KCNK10: variants seen among roughly 807,000 people sequenced by gnomAD.
The protein encoded by KCNK10 is potassium channel subfamily K member 10.
KCNK10 carries 25 observed loss-of-function variants against 47.7 expected under a neutral mutation model. The observed-to-expected ratio is 0.52, with a 90% confidence interval of 0.38 to 0.73. KCNK10 has a LOEUF of 0.73. KCNK10 is among the 30% of genes least tolerant of loss of function. The pLI, the probability that KCNK10 is intolerant of heterozygous loss-of-function variation, is 0.00. For missense variants in KCNK10, 563 were observed against 714.5 expected (o/e 0.79, Z 2.42); for synonymous variants, 303 against 285.6 (o/e 1.06, Z -0.61).
intron 1 of KCNK10, among the ~76,000 whole-genome samples, chr14:88,287,346 T>G (rs1416884665): frequency 2.6e-5 from 4 of 152,202 alleles, no homozygotes; most frequent in African/African-American, 9.6e-5. Flanking sequence ...TGTAGGTTTT[T>G]GGGGAAGAGG....
Position 88,312,965 on chromosome 14 carries a change from G to A in KCNK10, c.52+9782C>T, listed in dbSNP as rs552427093. On this transcript the variant is annotated intron_variant, in intron 1 of 6. Coordinates refer to ENST00000319231, the MANE Select transcript of KCNK10 (RefSeq NM_138317.3). ...ATGGAGTTAAATGAATCATCATTCTGTGGTTAAGTAGAAAATGCAGGCTTA... is the reference window on the plus strand; with the variant it reads ...ATGGAGTTAAATGAATCATCATTCTATGGTTAAGTAGAAAATGCAGGCTTA... Among the ~76,000 whole-genome samples, 3 of 152,330 alleles carry A rather than the reference G, an allele frequency of 2.0e-5. No individual in the cohort carries two copies. The South Asian group carries it at 6.2e-4, about 32-fold the overall frequency.
At chr14:88,321,773 C>G (rs1888552166) in intron 1 of KCNK10, among the ~76,000 whole-genome samples, 2 of 152,202 alleles carry the variant, frequency 1.3e-5, no homozygotes, top group Non-Finnish European at 2.9e-5. Context: ...GAACATTAAA[C>G]ACACACGCAC....
chr14:88,281,493 C>T (rs1022994247), intron 1 of KCNK10, among the ~76,000 whole-genome samples: 2 of 152,078 alleles, frequency 1.3e-5, no homozygotes, highest in African/African-American at 4.8e-5. Context: ...AAATGGCTGA[C>T]CTTCCCCTGA....
At position 88,185,662 on chromosome 14, in the gene KCNK10, TC is replaced by T; in HGVS notation, c.1504del (p.Asp502ThrfsTer8). The T allele has an allele frequency of 6.2e-7, 1 of 1,614,222 alleles. No homozygotes were observed. The highest frequency in any genetic ancestry group is 8.5e-7 in the Non-Finnish European group (1 of 1,180,042). ...EEETEKMCNS[D>X]NSSTAMLTDC... ...CGTCAGCATGGCTGTGCTGGAGTTGTCTGAGTTACACATCTTTTCCGTCTCC... is the reference window on the plus strand; with the variant it reads ...CGTCAGCATGGCTGTGCTGGAGTTGTTGAGTTACACATCTTTTCCGTCTCC... On this transcript the variant is annotated frameshift_variant, in exon 7 of 7. Transcript: ENST00000319231. LOFTEE classifies it high-confidence loss of function. The surrounding 1 kb of genome is among the most constrained non-coding windows in gnomAD (Gnocchi z 4.3).
At chr14:88,244,610 G>C (rs1464786062) in intron 2 of KCNK10, among the ~76,000 whole-genome samples, 1 of 152,104 alleles carries the variant, frequency 6.6e-6, no homozygotes, top group Non-Finnish European at 1.5e-5. Flanking sequence ...GGAGCTTGCA[G>C]TGAGCCGAGA....
chr14:88,281,538 C>T (rs1887648896), intron 1 of KCNK10, among the ~76,000 whole-genome samples: 1 of 152,046 alleles, frequency 6.6e-6, no homozygotes, highest in African/African-American at 2.4e-5. Context: ...TGGACCTGAA[C>T]TGAAATATCG....
chr14:88,225,296 CAT>C (rs1885947150), intron 4 of KCNK10, among the ~76,000 whole-genome samples: 1 of 152,228 alleles, frequency 6.6e-6, no homozygotes, highest in Non-Finnish European at 1.5e-5. Flanking sequence ...TCAGCAAATG[CAT>C]TCATTGTGCA....
intron 1 of KCNK10, among the ~76,000 whole-genome samples, chr14:88,300,969 G>C (rs958272810): frequency 6.6e-6 from 1 of 152,072 alleles, no homozygotes; most frequent in Admixed American, 6.5e-5. Flanking sequence ...TTACAAATAC[G>C]GACTTTGGAT....
rs1884417485 is a variant in KCNK10 at position 88,182,896 on chromosome 14, T to C, written c.*2639A>G. 1 of 152,302 alleles carries C rather than the reference T, an allele frequency of 6.6e-6. No individual in the cohort carries two copies. Among genetic ancestry groups the C allele is most frequent in the South Asian group, 2.1e-4 (1 of 4,830 alleles). The allele number at this position is 152,302 out of a possible 1,614,324, so 9.4% of individuals were successfully genotyped here. On this transcript the variant is annotated 3_prime_UTR_variant, in exon 7 of 7. Transcript: ENST00000319231. ...TTTTTAAAGGGTGCCACATACAAAA[T>C]TTCCAAAACCAAATAAATGTACAGT... is the stretch of plus-strand genomic sequence containing the variant.
chr14:88,308,168 C>T (rs953835431), intron 1 of KCNK10, among the ~76,000 whole-genome samples: 1 of 152,108 alleles, frequency 6.6e-6, no homozygotes, highest in African/African-American at 2.4e-5. Context: ...TCAAGGTTCC[C>T]TCGATCACTA....
intron 3 of KCNK10, among the ~76,000 whole-genome samples, chr14:88,235,695 A>G (rs1167581902): frequency 6.6e-6 from 1 of 152,218 alleles, no homozygotes; most frequent in Non-Finnish European, 1.5e-5. Context: ...CTAGATTTTA[A>G]GAGTTAAAAA....
chr14:88,273,054 T>C (rs1726063593), intron 1 of KCNK10, among the ~76,000 whole-genome samples: 1 of 152,178 alleles, frequency 6.6e-6, no homozygotes, highest in Admixed American at 6.5e-5. Flanking sequence ...CTCAGGGGAA[T>C]AATCTAGCTG....
intron 4 of KCNK10, among the ~76,000 whole-genome samples, chr14:88,198,373 C>G (rs1257824192): frequency 6.6e-6 from 1 of 152,142 alleles, no homozygotes; most frequent in Non-Finnish European, 1.5e-5. Context: ...CCAAAAGATG[C>G]CCCTCCCAGC....
chr14:88,311,199 C>T (rs1352341969), intron 1 of KCNK10, among the ~76,000 whole-genome samples: 1 of 152,196 alleles, frequency 6.6e-6, no homozygotes, highest in Admixed American at 6.5e-5. Flanking sequence ...AGCACTATGC[C>T]TGTCACACAG....
intron 1 of KCNK10, among the ~76,000 whole-genome samples, chr14:88,272,375 C>T (rs947400601): frequency 5.9e-5 from 9 of 151,962 alleles, no homozygotes; most frequent in Admixed American, 2.0e-4. Flanking sequence ...GTCAGTGCCA[C>T]CGAAGAGGAG....
Position 88,247,243 on chromosome 14 carries a change from A to C in KCNK10, c.403-6423T>G, listed in dbSNP as rs1436507066. On this transcript the variant is annotated intron_variant, in intron 2 of 6. Coordinates refer to ENST00000319231, the MANE Select transcript of KCNK10 (RefSeq NM_138317.3). ...CACACCCAGCCTGGGACACCCAGCT[A>C]CCTGCAATAGGACGAAGGGAAGAGA... 2.0e-5 allele frequency among the ~76,000 whole-genome samples: 3 copies of C among 152,126 alleles called. No homozygotes were observed. The East Asian group carries it at 5.8e-4, about 29-fold the overall frequency.
intron 1 of KCNK10, among the ~76,000 whole-genome samples, chr14:88,291,022 C>T (rs372585391): frequency 1.3e-5 from 2 of 152,184 alleles, no homozygotes; most frequent in South Asian, 2.1e-4. Flanking sequence ...CCCTCTGCCG[C>T]GGAAAAGGGC....
upstream of KCNK10, among the ~76,000 whole-genome samples, chr14:88,324,887 G>A (rs1051948190): frequency 6.6e-6 from 1 of 152,178 alleles, no homozygotes. Context: ...CTGTGGGAAA[G>A]GTGAGTGCTT....
chr14:88,323,350 C>T (rs184687053), upstream of KCNK10: 260 of 944,572 alleles, frequency 2.8e-4, 1 homozygote, highest in Non-Finnish European at 8.2e-5. Flanking sequence ...CCGGCGACGC[C>T]CCCCACTTCC....
Sources: gnomAD v4.1 joint callset for allele counts (sites outside exome capture counted in the v4.1 genomes callset) on GRCh38, gnomAD v4.1.1 for gene constraint, Gnocchi (gnomAD v3.1) non-coding constraint, MANE v1.5 for transcripts, NCBI Gene and HGNC (gene_info 2026-07-23, HGNC 2026-07-21) for gene names.